The following HERC3 variants were observed in gnomAD, a reference collection of about 807,000 sequenced individuals.
HERC3 encodes the protein HECT and RLD domain containing E3 ubiquitin protein ligase 3.
HERC3 carries 58 observed loss-of-function variants against 129.9 expected under a neutral mutation model. The ratio of observed to expected loss-of-function variants is 0.45; its 90% confidence interval spans 0.36 to 0.56. The LOEUF is 0.56. Among genes scored for constraint, HERC3 ranks in the 20% least tolerant of loss-of-function variants. The probability of loss-of-function intolerance (pLI) is 0.00; values close to 1 mark genes in which losing one functional copy is unlikely to be tolerated. For missense variants in HERC3, 835 were observed against 1,244.2 expected (o/e 0.67, Z 4.95); for synonymous variants, 430 against 451.0 (o/e 0.95, Z 0.59).
chr4:88,543,465 C>T, the HERC3 span, among the ~76,000 whole-genome samples: 1 of 152,184 alleles, frequency 6.6e-6, no homozygotes, highest in Non-Finnish European at 1.5e-5. Flanking sequence ...ACATTCCTTG[C>T]TCATGGACAG....
intron 2 of HERC3, among the ~76,000 whole-genome samples, chr4:88,602,228 C>G (rs1723073362): frequency 2.0e-5 from 3 of 151,692 alleles, no homozygotes; most frequent in Non-Finnish European, 4.4e-5. Flanking sequence ...TGGCGAAACC[C>G]TGTCTCTACT....
At chr4:88,526,034 A>G in the HERC3 span, among the ~76,000 whole-genome samples, 1 of 152,384 alleles carries the variant, frequency 6.6e-6, no homozygotes, top group East Asian at 1.9e-4. Flanking sequence ...GTGAAATACA[A>G]TAATAATAGT....
At chr4:88,557,252 T>G in the HERC3 span, among the ~76,000 whole-genome samples, 1 of 152,232 alleles carries the variant, frequency 6.6e-6, no homozygotes, top group African/African-American at 2.4e-5. Flanking sequence ...TATCCATCAT[T>G]GGACTAGAAG....
At chr4:88,533,936 C>T in the HERC3 span, among the ~76,000 whole-genome samples, 5 of 151,806 alleles carry the variant, frequency 3.3e-5, no homozygotes, top group Non-Finnish European at 7.4e-5. Context: ...ACCCAGGTTT[C>T]TTAGCTTCTA....
chr4:88,570,871 A>G, the HERC3 span, among the ~76,000 whole-genome samples: 6 of 151,982 alleles, frequency 3.9e-5, 1 homozygote. Flanking sequence ...CTCCTGCCTC[A>G]GCCTCCTGAG....
chr4:88,621,395 C>T (rs532691924), intron 3 of HERC3, among the ~76,000 whole-genome samples: 3 of 152,138 alleles, frequency 2.0e-5, no homozygotes, highest in Non-Finnish European at 4.4e-5. Flanking sequence ...TGTGAGCCAC[C>T]GTGCCTGGCC....
chr4:88,633,047 A>G (rs2149243641), intron 3 of HERC3, among the ~76,000 whole-genome samples: 1 of 152,348 alleles, frequency 6.6e-6, no homozygotes, highest in South Asian at 2.1e-4. Context: ...TGGATTTCAC[A>G]CCAGAAACCC....
chr4:88,586,472 C>A, the HERC3 span, among the ~76,000 whole-genome samples: 1 of 151,692 alleles, frequency 6.6e-6, no homozygotes, highest in African/African-American at 2.4e-5. Context: ...GATTCTCCTG[C>A]CTCAGCCTCC....
At chr4:88,525,485 A>G in the HERC3 span, among the ~76,000 whole-genome samples, 2 of 152,196 alleles carry the variant, frequency 1.3e-5, no homozygotes, top group African/African-American at 4.8e-5. Flanking sequence ...TGGGTAGGGG[A>G]AGGCACCCAT....
At chr4:88,545,135 G>A in the HERC3 span, among the ~76,000 whole-genome samples, 5 of 152,108 alleles carry the variant, frequency 3.3e-5, no homozygotes, top group Non-Finnish European at 5.9e-5. Context: ...GGGGGACACA[G>A]TCCTGTCCAT....
chr4:88,658,852 G>A (rs960032560), intron 10 of HERC3, among the ~76,000 whole-genome samples: 2 of 152,168 alleles, frequency 1.3e-5, no homozygotes, highest in African/African-American at 4.8e-5. Flanking sequence ...AGGTGTTTGA[G>A]AACTTGGTGG....
At chr4:88,654,387 T>TATATATAC (rs1321614619) in intron 7 of HERC3, among the ~76,000 whole-genome samples, 51 of 94,280 alleles carry the variant, frequency 5.4e-4, no homozygotes, top group Non-Finnish European at 7.8e-4. Flanking sequence ...TATATATATA[T>TATATATAC]ACACACACAC....
In HERC3 at chr4:88,706,798, T is replaced by A; in HGVS notation, c.2991T>A (p.Ser997Arg). The A allele has an allele frequency of 6.8e-6, 11 of 1,614,178 alleles. No homozygotes were observed. The highest frequency in any genetic ancestry group is 9.3e-6 in the Non-Finnish European group (11 of 1,180,030). ...SDRIPIYGMASLQIVIQSTAS... is the reference protein window; with the variant it reads ...SDRIPIYGMARLQIVIQSTAS... ...GGATTCCCATCTACGGCATGGCCAG[T>A]CTGCAGATTGTCATCCAGTCCACAG... Residue 997 changes from serine (S) to arginine (R), a missense_variant, in exon 26 of 26, where the codon AGT (serine) becomes AGA (arginine). By Grantham distance (110) the Ser-to-Arg change is moderately radical. Transcript: ENST00000402738.
intron 23 of HERC3, chr4:88,697,467 G>A: frequency 1.2e-6 from 2 of 1,614,084 alleles, no homozygotes; most frequent in Non-Finnish European, 8.5e-7. Flanking sequence ...TATCAAATTT[G>A]GCTTCTATCT....
chr4:88,664,511 G>A (rs530247722), intron 12 of HERC3, among the ~76,000 whole-genome samples: 8 of 152,174 alleles, frequency 5.3e-5, no homozygotes, highest in South Asian at 2.1e-4. Flanking sequence ...GATGCTTTGC[G>A]CAAAAATTGG....
At chr4:88,578,760 G>A in the HERC3 span, among the ~76,000 whole-genome samples, 1 of 152,076 alleles carries the variant, frequency 6.6e-6, no homozygotes, top group Admixed American at 6.6e-5. Context: ...TATAATTAGG[G>A]CATAAATATC....
Position 88,649,825 on chromosome 4 carries a change from AT to A in HERC3, c.227-12del. Reference sequence around the variant, plus strand: ...CTGGGTTGTACATTTTCCTCCTCCAATTTGTCTCTTTCAGAACAAATTGGAG... The same window carrying A: ...CTGGGTTGTACATTTTCCTCCTCCAATTGTCTCTTTCAGAACAAATTGGAG... On this transcript the variant is annotated splice_polypyrimidine_tract_variant and intron_variant, in intron 3 of 25. Coordinates refer to ENST00000402738, the MANE Select transcript of HERC3 (RefSeq NM_014606.3). The A allele has an allele frequency of 1.2e-6, 2 of 1,610,362 alleles. No homozygotes were observed. The highest frequency in any genetic ancestry group is 1.7e-6 in the Non-Finnish European group (2 of 1,177,100).
intron 3 of HERC3, among the ~76,000 whole-genome samples, chr4:88,623,847 A>T (rs28429985): frequency 0.049 from 7,480 of 152,286 alleles, 242 homozygotes; most frequent in Middle Eastern, 0.12. Flanking sequence ...TTAAATGTAC[A>T]ATTTAATGAG....
At chr4:88,590,140 C>T (rs777803588), upstream of HERC3, among the ~76,000 whole-genome samples, 12 of 152,002 alleles carry the variant, frequency 7.9e-5, no homozygotes, top group Non-Finnish European at 1.5e-4. Context: ...TGGTGGTGAG[C>T]GCCTGTAATC....
Sources: gnomAD v4.1 joint callset for allele counts (sites outside exome capture counted in the v4.1 genomes callset) on GRCh38, gnomAD v4.1.1 for gene constraint, MANE v1.5 for transcripts, NCBI Gene and HGNC (gene_info 2026-07-23, HGNC 2026-07-21) for gene names.